Variants in MYO18B observed in about 807,000 individuals in gnomAD.
MYO18B encodes the protein myosin XVIIIB, also known as unconventional myosin-XVIIIb.
Under a neutral mutation model 273.0 loss-of-function variants are expected in MYO18B, and 204 were observed. The ratio of observed to expected loss-of-function variants is 0.75; its 90% CI spans 0.67 to 0.84. The LOEUF is 0.84. Among genes scored for constraint, MYO18B ranks in the 40% least tolerant of loss-of-function variants. MYO18B has a pLI of 0.00. For synonymous variants in MYO18B, 1,330 were observed against 1,305.7 expected (o/e 1.02, Z -0.40); for missense variants, 3,212 against 3,287.6 (o/e 0.98, Z 0.56).
chr22:25,774,586 C>G (rs1422268589), intron 7 of MYO18B, among the ~76,000 whole-genome samples: 1 of 152,210 alleles, frequency 6.6e-6, no homozygotes, highest in African/African-American at 2.4e-5. Context: ...TGGGGTGCGG[C>G]ACTGGTCCGC....
At chr22:25,970,273 C>T (rs187274472) in intron 39 of MYO18B, among the ~76,000 whole-genome samples, 10 of 152,290 alleles carry the variant, frequency 6.6e-5, no homozygotes, top group African/African-American at 2.4e-4. Flanking sequence ...AAGAGCACTG[C>T]AGAGCCCCTT....
At chr22:25,844,332 C>T (rs1409437971) in intron 18 of MYO18B, among the ~76,000 whole-genome samples, 1 of 152,102 alleles carries the variant, frequency 6.6e-6, no homozygotes. Flanking sequence ...GCAGCATTCT[C>T]TGCTTTTAGT....
At chr22:26,053,102 C>T in the MYO18B span, among the ~76,000 whole-genome samples, 3 of 152,242 alleles carry the variant, frequency 2.0e-5, no homozygotes, top group African/African-American at 4.8e-5. Flanking sequence ...CCACCACACC[C>T]GGCCGAATTG....
intron 20 of MYO18B, among the ~76,000 whole-genome samples, chr22:25,849,484 T>C (rs745516455): frequency 6.6e-6 from 1 of 152,208 alleles, no homozygotes; most frequent in African/African-American, 2.4e-5. Flanking sequence ...AATATATATA[T>C]GCATATATAC....
At chr22:26,002,622 CT>C (rs1278833416) in intron 40 of MYO18B, among the ~76,000 whole-genome samples, 1 of 152,184 alleles carries the variant, frequency 6.6e-6, no homozygotes, top group Non-Finnish European at 1.5e-5. Flanking sequence ...GTTTGGCTGT[CT>C]GCACCCACCC....
At chr22:26,060,809 T>C in the MYO18B span, among the ~76,000 whole-genome samples, 10 of 136,764 alleles carry the variant, frequency 7.3e-5, no homozygotes, top group African/African-American at 2.7e-4. Flanking sequence ...TATATGCACA[T>C]AAACACATGC....
intron 33 of MYO18B, among the ~76,000 whole-genome samples, chr22:25,912,177 A>G (rs961625030): frequency 6.6e-6 from 1 of 152,256 alleles, no homozygotes; most frequent in Non-Finnish European, 1.5e-5. Context: ...TGAATTCCAC[A>G]GCAGGGACAC....
the MYO18B span, among the ~76,000 whole-genome samples, chr22:26,058,446 G>A: frequency 1.3e-5 from 2 of 152,096 alleles, no homozygotes; most frequent in Non-Finnish European, 2.9e-5. Flanking sequence ...GACAAGGAGG[G>A]ACACTAAAAT....
At position 25,761,018 on chromosome 22, in the gene MYO18B, A is replaced by G; in HGVS notation, c.-75A>G. 1 of 1,520,940 alleles carries G rather than the reference A, an allele frequency of 6.6e-7. No individual in the cohort carries two copies. The highest frequency in any genetic ancestry group is 1.7e-5 in the Admixed American group (1 of 59,896). The allele number at this position is 1,520,940 out of a possible 1,614,324, so 94.2% of individuals were successfully genotyped here. On this transcript the variant is annotated 5_prime_UTR_variant, in exon 2 of 44. It removes the in-frame stop codon of an upstream open reading frame in the 5' UTR. Coordinates refer to ENST00000335473, the MANE Select transcript of MYO18B (RefSeq NM_032608.7). ...CATCTCATGTGCTGCGTGTGTCTGT[A>G]AAGCCTCATTCCGTGCTGTCTGGCA... is the stretch of plus-strand genomic sequence containing the variant.
intron 25 of MYO18B, among the ~76,000 whole-genome samples, chr22:25,888,215 A>T (rs936759581): frequency 6.6e-6 from 1 of 152,176 alleles, no homozygotes; most frequent in South Asian, 2.1e-4. Context: ...TTCCTGAATT[A>T]TGCTTTAGAG....
chr22:25,909,536 A>C (rs1298391734), intron 32 of MYO18B, among the ~76,000 whole-genome samples: 1 of 152,178 alleles, frequency 6.6e-6, no homozygotes, highest in Non-Finnish European at 1.5e-5. Context: ...GGAATCTCTC[A>C]GTCCCTGCCC....
At chr22:25,945,703 T>TTGC (rs2092696242) in intron 34 of MYO18B, among the ~76,000 whole-genome samples, 2 of 33,112 alleles carry the variant, frequency 6.0e-5, no homozygotes, top group Non-Finnish European at 5.9e-5. Flanking sequence ...TCGCCTCCCC[T>TTGC]CTCCCCTCGC....
At chr22:25,983,956 G>A (rs1302720449) in intron 39 of MYO18B, among the ~76,000 whole-genome samples, 1 of 152,106 alleles carries the variant, frequency 6.6e-6, no homozygotes, top group Non-Finnish European at 1.5e-5. Flanking sequence ...AATCCTTCCA[G>A]CTTCAACAAA....
the MYO18B span, among the ~76,000 whole-genome samples, chr22:26,036,884 G>A: frequency 3.9e-5 from 6 of 152,328 alleles, no homozygotes; most frequent in Non-Finnish European, 7.3e-5. Flanking sequence ...ATTGTTCAGC[G>A]AGTGAGGAGA....
chr22:25,948,489 T>C (rs2092750620), intron 36 of MYO18B, among the ~76,000 whole-genome samples: 5 of 121,396 alleles, frequency 4.1e-5, no homozygotes, highest in African/African-American at 1.2e-4. Flanking sequence ...TTTCTTTCTC[T>C]TTCTTTCTTT....
At chr22:25,836,945 A>T (rs1346121855) in intron 17 of MYO18B, among the ~76,000 whole-genome samples, 1 of 150,606 alleles carries the variant, frequency 6.6e-6, no homozygotes, top group African/African-American at 2.4e-5. Context: ...CTGGACAACA[A>T]GAGTGAAATT....
intron 40 of MYO18B, among the ~76,000 whole-genome samples, chr22:25,994,766 A>G (rs948304496): frequency 2.0e-5 from 3 of 152,208 alleles, no homozygotes; most frequent in Non-Finnish European, 4.4e-5. Flanking sequence ...CCTTTTGTCA[A>G]TATTACTTGT....
intron 17 of MYO18B, among the ~76,000 whole-genome samples, chr22:25,837,005 A>G (rs1207687484): frequency 1.6e-5 from 2 of 127,794 alleles, no homozygotes; most frequent in Admixed American, 8.0e-5. Context: ...AATAATAATA[A>G]TAATAAGGCA....
At chr22:25,897,389 T>A (rs1258415199) in intron 28 of MYO18B, 1 of 152,112 alleles carries the variant, frequency 6.6e-6, no homozygotes, top group Admixed American at 6.5e-5. Context: ...TGGTGATGAT[T>A]TTAGTGGTCG....
Sources: gnomAD v4.1 joint callset for allele counts (sites outside exome capture counted in the v4.1 genomes callset) on GRCh38, gnomAD v4.1.1 for gene constraint, MANE v1.5 for transcripts, NCBI Gene and HGNC (gene_info 2026-07-23, HGNC 2026-07-21) for gene names.